Variants in GRM7 observed in about 807,000 individuals in gnomAD.
GRM7 encodes the protein metabotropic glutamate receptor 7.
GRM7 carries 35 observed loss-of-function variants against 84.5 expected under a neutral mutation model. The ratio of observed to expected loss-of-function variants is 0.41; its 90% CI spans 0.32 to 0.55. The LOEUF (loss-of-function observed/expected upper bound fraction) is 0.55, where lower values mean the gene tolerates loss of function less well. Ranked by LOEUF, GRM7 falls within the 20% of genes least tolerant of loss-of-function variation. GRM7 has a pLI of 0.19. For synonymous variants in GRM7, 487 were observed against 455.1 expected (o/e 1.07, Z -0.89); for missense variants, 1,003 against 1,194.6 (o/e 0.84, Z 2.36).
intron 8 of GRM7, among the ~76,000 whole-genome samples, chr3:7,641,302 G>C (rs975817665): frequency 6.6e-6 from 1 of 152,126 alleles, no homozygotes; most frequent in Admixed American, 6.6e-5. Flanking sequence ...AAAAGGAAAA[G>C]ATAAAATAGG....
At position 6,862,870 on chromosome 3, in the gene GRM7, C is replaced by G. The variant is rs941292772; in HGVS notation, c.519+963C>G. On this transcript the variant is annotated intron_variant, in intron 1 of 9. Coordinates refer to ENST00000357716, the MANE Select transcript of GRM7 (RefSeq NM_000844.4). This position sits in a 1 kb window ranked among gnomAD's most constrained non-coding sequence, Gnocchi z 5.2. ...GCGGGGCCCCGTGGTCCTCCTGCTC[C>G]GGTGCCGGAGGGAGACGGAGAAAAA... The G allele has an allele frequency of 7.8e-6, 3 of 385,868 alleles. No homozygotes were observed. The highest frequency in any genetic ancestry group is 8.5e-5 in the East Asian group (1 of 11,826). 23.9% of individuals were successfully genotyped at this position (385,868 alleles called of 1,614,324 possible).
chr3:7,053,668 T>G (rs988652572), intron 1 of GRM7, among the ~76,000 whole-genome samples: 3 of 151,658 alleles, frequency 2.0e-5, no homozygotes, highest in African/African-American at 7.2e-5. Flanking sequence ...TTAAAATGAA[T>G]TGACCTTGTA....
intron 2 of GRM7, among the ~76,000 whole-genome samples, chr3:7,183,479 T>G (rs1695412967): frequency 6.6e-6 from 1 of 151,688 alleles, no homozygotes; most frequent in Non-Finnish European, 1.5e-5. Context: ...ATACAAAAAC[T>G]AGCAGGGCGT....
At chr3:6,961,608 C>G (rs57472359) in intron 1 of GRM7, among the ~76,000 whole-genome samples, 23,894 of 152,160 alleles carry the variant, frequency 0.16, 2,045 homozygotes, top group East Asian at 0.33. Flanking sequence ...TATCTGTCTT[C>G]TTTTTACTTC....
chr3:7,133,350 C>A (rs934963664), intron 1 of GRM7, among the ~76,000 whole-genome samples: 2 of 152,218 alleles, frequency 1.3e-5, no homozygotes, highest in African/African-American at 4.8e-5. Flanking sequence ...GTTCCTCCAC[C>A]CCCAATACCA....
intron 4 of GRM7, among the ~76,000 whole-genome samples, chr3:7,346,164 C>A (rs1317330076): frequency 6.6e-6 from 1 of 152,046 alleles, no homozygotes; most frequent in Non-Finnish European, 1.5e-5. Flanking sequence ...TATATGGTTT[C>A]ATTATTCATG....
chr3:7,302,984 A>G (rs1262905211), intron 3 of GRM7, among the ~76,000 whole-genome samples: 1 of 134,270 alleles, frequency 7.4e-6, no homozygotes, highest in East Asian at 2.2e-4. Flanking sequence ...TCTGTTGCCC[A>G]GGCTGGAGTG....
intron 2 of GRM7, among the ~76,000 whole-genome samples, chr3:7,172,102 C>T (rs1325827582): frequency 2.6e-5 from 4 of 152,188 alleles, no homozygotes; most frequent in African/African-American, 7.2e-5. Flanking sequence ...TGTTTTAGCA[C>T]GGGATTTTCA....
At chr3:7,046,584 A>C (rs1234286097) in intron 1 of GRM7, among the ~76,000 whole-genome samples, 1 of 152,088 alleles carries the variant, frequency 6.6e-6, no homozygotes, top group Non-Finnish European at 1.5e-5. Context: ...TGTTACTTCC[A>C]GGCTATTTAC....
At chr3:7,050,614 A>G (rs1485874286) in intron 1 of GRM7, among the ~76,000 whole-genome samples, 1 of 151,824 alleles carries the variant, frequency 6.6e-6, no homozygotes, top group Admixed American at 6.6e-5. Context: ...AAAGGTCACA[A>G]TCCTCAGAGC....
At chr3:7,717,569 C>T (rs1159185586) in intron 9 of GRM7, among the ~76,000 whole-genome samples, 5 of 152,112 alleles carry the variant, frequency 3.3e-5, no homozygotes, top group Non-Finnish European at 5.9e-5. Flanking sequence ...TAAACGGAAA[C>T]CTGGATTCAA....
chr3:7,491,818 A>C (rs1327200067), intron 7 of GRM7, among the ~76,000 whole-genome samples: 1 of 152,208 alleles, frequency 6.6e-6, no homozygotes, highest in African/African-American at 2.4e-5. Context: ...TTCTTAGTAC[A>C]TGGTGAGTAT....
intron 1 of GRM7, among the ~76,000 whole-genome samples, chr3:7,060,770 C>A (rs1273325365): frequency 6.6e-6 from 1 of 151,664 alleles, no homozygotes; most frequent in Non-Finnish European, 1.5e-5. Flanking sequence ...AATGAAGAAA[C>A]AGCCTTATTT....
At chr3:7,592,521 G>T (rs1310785865) in intron 8 of GRM7, among the ~76,000 whole-genome samples, 1 of 152,168 alleles carries the variant, frequency 6.6e-6, no homozygotes, top group Non-Finnish European at 1.5e-5. Flanking sequence ...GAGCCTGGAG[G>T]ACAGGTGGCA....
Position 7,719,846 on chromosome 3 carries a change from G to A in GRM7, c.2699-20511G>A, listed in dbSNP as rs1701886801. The stretch of plus-strand genomic sequence containing the variant: ...CACACAGAAATGATAACCTACAAAA[G>A]GAGTTCAGCCTATAAAACAAGGACT... On this transcript the variant is annotated intron_variant, in intron 9 of 9. Coordinates refer to ENST00000357716, the MANE Select transcript of GRM7 (RefSeq NM_000844.4). Among the ~76,000 whole-genome samples, 8 of 144,108 alleles carry A rather than the reference G, an allele frequency of 5.6e-5. No homozygotes were observed. The Admixed American group carries it at 5.6e-4, about 10-fold the overall frequency. 94.5% of individuals were successfully genotyped at this position (144,108 alleles called of 152,430 possible).
At chr3:7,375,214 C>CA (rs1553572613) in intron 4 of GRM7, among the ~76,000 whole-genome samples, 2 of 132,958 alleles carry the variant, frequency 1.5e-5, no homozygotes, top group African/African-American at 5.8e-5. Context: ...TAAACATCCC[C>CA]TTTTTTTTTT....
intron 2 of GRM7, among the ~76,000 whole-genome samples, chr3:7,281,912 C>A (rs2124996789): frequency 6.6e-6 from 1 of 152,264 alleles, no homozygotes; most frequent in Admixed American, 6.5e-5. Flanking sequence ...GAAACCCCGT[C>A]CCTACTAAAA....
rs75018897 is a variant in GRM7 at position 7,427,252 on chromosome 3, G to A, written c.1174+12089G>A. On this transcript the variant is annotated intron_variant, in intron 5 of 9. Transcript: ENST00000357716. ...ATTTGTTCTTTAAAATGAATTGACA[G>A]GAATAGAGAACTAAGAAATGTATTG... Among the ~76,000 whole-genome samples, 109 of 152,252 alleles carry A rather than the reference G, an allele frequency of 7.2e-4. No individual in the cohort carries two copies. The East Asian group carries it at 0.016, about 22-fold the overall frequency.
intron 4 of GRM7, among the ~76,000 whole-genome samples, chr3:7,404,131 T>G (rs778648873): frequency 6.6e-6 from 1 of 152,132 alleles, no homozygotes; most frequent in Non-Finnish European, 1.5e-5. Flanking sequence ...TAGACCAGGG[T>G]GTAAACTGTT....
Sources: gnomAD v4.1 joint callset for allele counts (sites outside exome capture counted in the v4.1 genomes callset) on GRCh38, gnomAD v4.1.1 for gene constraint, Gnocchi (gnomAD v3.1) non-coding constraint, MANE v1.5 for transcripts, NCBI Gene and HGNC (gene_info 2026-07-23, HGNC 2026-07-21) for gene names.